DCHS2: variants seen among roughly 807,000 people sequenced by gnomAD.
DCHS2 encodes dachsous cadherin-related 2, also known as protocadherin-23.
DCHS2 carries 142 observed loss-of-function variants against 182.4 expected under a neutral mutation model. The ratio of observed to expected loss-of-function variants is 0.78; its 90% CI spans 0.68 to 0.89. The LOEUF is 0.89. DCHS2 is among the 40% of genes least tolerant of loss of function. The pLI, the probability that DCHS2 is intolerant of heterozygous loss-of-function variation, is 0.00. For missense variants in DCHS2, 4,319 were observed against 4,198.6 expected (o/e 1.03, Z -0.79); for synonymous variants, 1,740 against 1,663.3 (o/e 1.05, Z -1.12).
intron 3 of DCHS2, among the ~76,000 whole-genome samples, chr4:154,344,214 TA>T (rs1482326372): frequency 2.0e-5 from 3 of 152,156 alleles, no homozygotes; most frequent in African/African-American, 7.2e-5. Flanking sequence ...GGTATAATAA[TA>T]ATGAAAAAGT....
Position 154,427,110 on chromosome 4 carries a change from T to C in DCHS2, c.2053-49666A>G, listed in dbSNP as rs560051919. Among the ~76,000 whole-genome samples the C allele has an allele frequency of 2.6e-4, 39 of 152,336 alleles. No individual in the cohort carries two copies. In the South Asian group the frequency reaches 7.9e-3, roughly 31 times the overall value. ...TTGATCATTACACACTGTATACATG[T>C]ATGGAAACATCATAAGTACCCCATA... On this transcript the variant is annotated intron_variant, in intron 1 of 19. Coordinates refer to ENST00000357232, the MANE Select transcript of DCHS2 (RefSeq NM_001358235.2).
intron 3 of DCHS2, among the ~76,000 whole-genome samples, chr4:154,356,926 A>C (rs991373066): frequency 3.9e-5 from 6 of 152,130 alleles, no homozygotes; most frequent in African/African-American, 1.4e-4. Flanking sequence ...GGAGGAGCAC[A>C]GGCTACAGGT....
Position 154,240,746 on chromosome 4 carries a change from C to T in DCHS2, c.7150G>A (p.Ala2384Thr). Residue 2384 changes from alanine (A) to threonine (T), a missense_variant, in exon 18 of 20, where the codon GCC becomes ACC. By Grantham distance (58) the Ala-to-Thr change is moderately conservative. Coordinates refer to ENST00000357232, the MANE Select transcript of DCHS2 (RefSeq NM_001358235.2). ...DLNSAFIFSF[A>T]KESNPGTKFA... ...TTGGTTCCAGGATTACTCTCTTTGG[C>T]AAAACTGAATATGAAAGCTGAATTC... 1 of 1,613,912 alleles carries T rather than the reference C, an allele frequency of 6.2e-7. No homozygotes were observed. The highest frequency in any genetic ancestry group is 8.5e-7 in the Non-Finnish European group (1 of 1,179,900).
intron 16 of DCHS2, among the ~76,000 whole-genome samples, chr4:154,244,737 T>A (rs1731995906): frequency 6.6e-6 from 1 of 152,198 alleles, no homozygotes; most frequent in African/African-American, 2.4e-5. Flanking sequence ...CCTTCTGCAT[T>A]ATCAGAGTTG....
chr4:154,481,675 T>C (rs759105184), intron 1 of DCHS2, among the ~76,000 whole-genome samples: 16 of 152,232 alleles, frequency 1.1e-4, no homozygotes, highest in Non-Finnish European at 2.2e-4. Flanking sequence ...CTCTGTGTCC[T>C]GGATATGCAT....
intron 1 of DCHS2, chr4:154,486,341 TG>T (rs1476503640): frequency 1.6e-6 from 2 of 1,231,602 alleles, no homozygotes; most frequent in Admixed American, 5.1e-5. Context: ...GCAACTAGAG[TG>T]GTAGGACCCC....
intron 16 of DCHS2, among the ~76,000 whole-genome samples, chr4:154,247,787 A>G (rs1056774837): frequency 7.2e-5 from 11 of 152,186 alleles, no homozygotes; most frequent in Non-Finnish European, 1.0e-4. Flanking sequence ...CATTGCATAT[A>G]TTACATGAAA....
chr4:154,296,897 G>A (rs1385943477), intron 13 of DCHS2, among the ~76,000 whole-genome samples: 1 of 152,114 alleles, frequency 6.6e-6, no homozygotes, highest in Admixed American at 6.5e-5. Flanking sequence ...AGAAAATAAC[G>A]CTGGCAGCTA....
chr4:154,311,589 T>C lies in DCHS2; in HGVS notation c.5260+4159A>G, dbSNP rs187679122. On this transcript the variant is annotated intron_variant, in intron 10 of 19. Transcript: ENST00000357232. ...GTACAATGTCCTCACAATCAGGCAT[T>C]TCTAAAGCAAAAATAGAATTATGCC... Among the ~76,000 whole-genome samples the C allele has an allele frequency of 2.8e-3, 419 of 152,244 alleles. 4 individuals are homozygous for C. Among genetic ancestry groups the C allele is most frequent in the African/African-American group, 9.8e-3 (408 of 41,552 alleles).
chr4:154,432,507 C>T (rs752406691), intron 1 of DCHS2, among the ~76,000 whole-genome samples: 1 of 152,106 alleles, frequency 6.6e-6, no homozygotes, highest in Non-Finnish European at 1.5e-5. Flanking sequence ...AGTTAAAGGT[C>T]TTACATTGTT....
At chr4:154,289,066 TAACAAAGATCAGAAC>T (rs1246244564) in intron 13 of DCHS2, among the ~76,000 whole-genome samples, 1 of 151,224 alleles carries the variant, frequency 6.6e-6, no homozygotes, top group East Asian at 1.9e-4. Context: ...AGAAAAGAAA[TAACAAAGATCAGAAC>T]AACAAAGATC....
Position 154,350,835 on chromosome 4 carries a change from T to G in DCHS2, c.2476+15375A>C, listed in dbSNP as rs1345156027. ...TCAGAAAATCCTTTTAATATTATTT[T>G]TGACCTTTATTTTCACCAACAGCAA... is the stretch of plus-strand genomic sequence containing the variant. On this transcript the variant is annotated intron_variant, in intron 3 of 19. Transcript: ENST00000357232. Among the ~76,000 whole-genome samples, 3 of 152,224 alleles carry G rather than the reference T, an allele frequency of 2.0e-5. No individual in the cohort carries two copies. The East Asian group carries it at 5.8e-4, about 29-fold the overall frequency.
At chr4:154,358,387 A>G (rs1222996948) in intron 3 of DCHS2, among the ~76,000 whole-genome samples, 1 of 152,178 alleles carries the variant, frequency 6.6e-6, no homozygotes, top group Non-Finnish European at 1.5e-5. Context: ...AGAAGTTACT[A>G]TAATCAATAC....
At chr4:154,273,382 C>T (rs1044138041) in intron 13 of DCHS2, among the ~76,000 whole-genome samples, 8 of 152,064 alleles carry the variant, frequency 5.3e-5, no homozygotes, top group African/African-American at 1.7e-4. Context: ...TGTGTATTCT[C>T]ATTCGTATGT....
At chr4:154,432,410 A>G in intron 1 of DCHS2, among the ~76,000 whole-genome samples, 1 of 152,152 alleles carries the variant, frequency 6.6e-6, no homozygotes, top group East Asian at 1.9e-4. Context: ...TCAGTGCCTC[A>G]TTTTCTTTAT....
chr4:154,349,641 C>G (rs779914491), intron 3 of DCHS2, among the ~76,000 whole-genome samples: 38 of 152,098 alleles, frequency 2.5e-4, no homozygotes, highest in Non-Finnish European at 3.7e-4. Flanking sequence ...ACCTTTGTTT[C>G]TATTATTACT....
chr4:154,430,416 G>A (rs1210796293), intron 1 of DCHS2, among the ~76,000 whole-genome samples: 27 of 152,164 alleles, frequency 1.8e-4, no homozygotes, highest in Admixed American at 1.8e-3. Context: ...CCAGGAACAT[G>A]AGTCTGTTTC....
intron 1 of DCHS2, among the ~76,000 whole-genome samples, chr4:154,393,186 A>T (rs1403479959): frequency 1.3e-5 from 2 of 152,184 alleles, no homozygotes; most frequent in Non-Finnish European, 2.9e-5. Context: ...AAGAATTTAA[A>T]CCTAGGAAAT....
At chr4:154,311,145 T>G (rs775944384) in intron 10 of DCHS2, among the ~76,000 whole-genome samples, 4 of 152,212 alleles carry the variant, frequency 2.6e-5, no homozygotes, top group Non-Finnish European at 5.9e-5. Context: ...CTAAAAGGGA[T>G]AAAATTTTAT....
Sources: allele counts gnomAD v4.1 joint callset (sites outside exome capture counted in the v4.1 genomes callset), GRCh38; gene constraint gnomAD v4.1.1; transcripts MANE v1.5; gene names NCBI Gene and HGNC (gene_info 2026-07-23, HGNC 2026-07-21).